MLLT1: variants seen among roughly 807,000 people sequenced by gnomAD.
MLLT1 encodes the protein protein ENL.
MLLT1 carries 11 observed loss-of-function variants against 55.1 expected under a neutral mutation model. That is an observed-to-expected ratio of 0.20 (90% confidence interval 0.13 to 0.33). MLLT1 has a LOEUF of 0.33. MLLT1 is among the 10% of genes least tolerant of loss of function. The probability of loss-of-function intolerance (pLI) is 1.00; values close to 1 mark genes in which losing one functional copy is unlikely to be tolerated. For synonymous variants in MLLT1, 323 were observed against 320.1 expected (o/e 1.01, Z -0.10); for missense variants, 536 against 760.6 (o/e 0.70, Z 3.47).
At chr19:6,214,827 G>A (rs1260225282) in intron 8 of MLLT1, among the ~76,000 whole-genome samples, 3 of 152,228 alleles carry the variant, frequency 2.0e-5, no homozygotes, top group African/African-American at 7.2e-5. Flanking sequence ...GGAGGTGCCA[G>A]AAGCGGCTCG....
At position 6,215,173 on chromosome 19, in the gene MLLT1, G is replaced by A. The variant is rs148973637; in HGVS notation, c.1308-1135C>T. 7.3e-3 allele frequency among the ~76,000 whole-genome samples: 1,114 copies of A among 152,338 alleles called. 12 individuals are homozygous for A. The highest frequency in any genetic ancestry group is 0.025 in the African/African-American group (1,025 of 41,574). ...CCTGGGCGCTCCCTGCCCCGGCAAC[G>A]CAGGGACAAGGCCGGCAAGCCCTCA... On this transcript the variant is annotated intron_variant, in intron 8 of 11. Transcript: ENST00000252674.
At position 6,212,575 on chromosome 19, in the gene MLLT1, A is replaced by G; in HGVS notation, c.*467T>C. The G allele has an allele frequency of 3.7e-6, 4 of 1,088,290 alleles. No homozygotes were observed. Among genetic ancestry groups the G allele is most frequent in the Non-Finnish European group, 4.5e-6 (4 of 895,398 alleles). The allele number at this position is 1,088,290 out of a possible 1,614,324, so 67.4% of individuals were successfully genotyped here. ...GCTAGGTCTACACGGAGGACGACGC[A>G]GACACACAGGCAGGGCCTTCTGAGG... On this transcript the variant is annotated 3_prime_UTR_variant, in exon 12 of 12. Transcript: ENST00000252674.
intron 7 of MLLT1, among the ~76,000 whole-genome samples, chr19:6,217,285 G>A (rs2090854602): frequency 6.6e-6 from 1 of 152,184 alleles, no homozygotes; most frequent in Non-Finnish European, 1.5e-5. Context: ...AAGGATTCCA[G>A]GCCAAGGGGG....
intron 3 of MLLT1, among the ~76,000 whole-genome samples, chr19:6,234,776 A>G (rs941430363): frequency 5.3e-5 from 8 of 152,160 alleles, no homozygotes; most frequent in Non-Finnish European, 1.0e-4. Flanking sequence ...TTCACCAAAT[A>G]CATAGCAAAG....
At chr19:6,216,373 C>T in intron 8 of MLLT1, 32 bp downstream of exon 8, 1 of 1,532,970 alleles carries the variant, frequency 6.5e-7, no homozygotes, top group Non-Finnish European at 8.9e-7. Flanking sequence ...CGGGTGGCCG[C>T]CTCCGCCCCC....
rs1471709497 is a variant in MLLT1, at chr19:6,235,488, C to T, written c.277-4775G>A. Reference sequence around the variant, plus strand: ...GGGCTAAGAAGGGCACCTGGGGAGGCGCAGCCAGACGGTACCAAAGCACTG... The same window carrying T: ...GGGCTAAGAAGGGCACCTGGGGAGGTGCAGCCAGACGGTACCAAAGCACTG... On this transcript the variant is annotated intron_variant, in intron 3 of 11. Coordinates refer to ENST00000252674, the MANE Select transcript of MLLT1 (RefSeq NM_005934.4). This position sits in a 1 kb window ranked among gnomAD's most constrained non-coding sequence, Gnocchi z 5.5. 2.0e-5 allele frequency among the ~76,000 whole-genome samples: 3 copies of T among 152,210 alleles called. No individual in the cohort carries two copies. Among genetic ancestry groups the T allele is most frequent in the Non-Finnish European group, 2.9e-5 (2 of 68,026 alleles).
At position 6,262,124 on chromosome 19, in the gene MLLT1, A is replaced by T. The variant is rs1341809635; in HGVS notation, c.276+104T>A. The T allele has an allele frequency of 3.5e-6, 3 of 861,148 alleles. No individual in the cohort carries two copies. The highest frequency in any genetic ancestry group is 5.8e-6 in the Non-Finnish European group (3 of 515,478). 53.3% of individuals were successfully genotyped at this position (861,148 alleles called of 1,614,324 possible). A position where few individuals can be genotyped will look rare whatever the true frequency, so the allele number is the denominator to read the frequency against. Reference sequence around the variant, plus strand: ...GCAGCACTCACTGGAATGTCTGTGCATGGGCAGCGGCCAGTTCTCTGGCCT... The same window carrying T: ...GCAGCACTCACTGGAATGTCTGTGCTTGGGCAGCGGCCAGTTCTCTGGCCT... On this transcript the variant is annotated intron_variant, in intron 3 of 11. Transcript: ENST00000252674. The surrounding 1 kb of genome is among the most constrained non-coding windows in gnomAD (Gnocchi z 4.4).
chr19:6,246,701 A>C (rs1014391943), intron 3 of MLLT1, among the ~76,000 whole-genome samples: 2 of 152,192 alleles, frequency 1.3e-5, no homozygotes, highest in Non-Finnish European at 2.9e-5. Context: ...CGGTAGATAC[A>C]CGACTCTCTG....
In MLLT1 at chr19:6,211,942, G is replaced by A. The variant is rs2090777112; in HGVS notation, c.*1100C>T. On this transcript the variant is annotated 3_prime_UTR_variant, in exon 12 of 12. Coordinates refer to ENST00000252674, the MANE Select transcript of MLLT1 (RefSeq NM_005934.4). The surrounding 1 kb of genome is among the most constrained non-coding windows in gnomAD (Gnocchi z 4.6). ...ACCAGAGAGAAAGGCAGCCTGGGAG[G>A]GCCAGCCCGGCCAACCCACCGGGCC... is the stretch of plus-strand genomic sequence containing the variant. The A allele has an allele frequency of 9.4e-7, 1 of 1,065,390 alleles. No individual in the cohort carries two copies. Among genetic ancestry groups the A allele is most frequent in the Non-Finnish European group, 1.1e-6 (1 of 879,152 alleles). 66.0% of individuals were successfully genotyped at this position (1,065,390 alleles called of 1,614,324 possible). A position where few individuals can be genotyped will look rare whatever the true frequency, so the allele number is the denominator to read the frequency against.
chr19:6,226,508 TC>T lies in MLLT1; in HGVS notation c.546+468del, dbSNP rs1402164776. ...GCACCCACCTGGCTTCCCCTGCCCT[TC>T]CCCCACGAAACTCTGCAGTGAGCCA... is the stretch of plus-strand genomic sequence containing the variant. On this transcript the variant is annotated intron_variant, in intron 5 of 11. Coordinates refer to ENST00000252674, the MANE Select transcript of MLLT1 (RefSeq NM_005934.4). This position sits in a 1 kb window ranked among gnomAD's most constrained non-coding sequence, Gnocchi z 6.3. 6.6e-6 allele frequency among the ~76,000 whole-genome samples: 1 copy of T among 151,980 alleles called. No homozygotes were observed. Among genetic ancestry groups the T allele is most frequent in the Non-Finnish European group, 1.5e-5 (1 of 68,000 alleles).
At chr19:6,228,737 C>T (rs78598969) in intron 4 of MLLT1, among the ~76,000 whole-genome samples, 1,696 of 152,280 alleles carry the variant, frequency 0.011, 31 homozygotes, top group African/African-American at 0.039. Context: ...GCCCCTGCCA[C>T]CGAGGCCTCC....
chr19:6,270,654 C>T lies in MLLT1; in HGVS notation c.118G>A (p.Glu40Lys), dbSNP rs1216051684. Residue 40 changes from glutamate to lysine, a missense_variant, in exon 2 of 12, where the codon GAG (glutamate) becomes AAG (lysine). Physicochemically the swap from Glu to Lys is moderately conservative, Grantham distance 56. Coordinates refer to ENST00000252674, the MANE Select transcript of MLLT1 (RefSeq NM_005934.4). This position sits in a 1 kb window ranked among gnomAD's most constrained non-coding sequence, Gnocchi z 7.1. ...HDWMVFVRGP[E>K]QCDIQHFVEK... ...ACGAAGTGCTGGATGTCACATTGCT[C>T]GGGGCCGCGGACAAACACCATCCAG... The T allele has an allele frequency of 1.9e-6, 3 of 1,614,176 alleles. No individual in the cohort carries two copies. Among genetic ancestry groups the T allele is most frequent in the Admixed American group, 1.7e-5 (1 of 60,028 alleles).
chr19:6,255,977 G>C (rs1367666356), intron 3 of MLLT1, among the ~76,000 whole-genome samples: 1 of 151,998 alleles, frequency 6.6e-6, no homozygotes, highest in Non-Finnish European at 1.5e-5. Flanking sequence ...CCAGCACTTT[G>C]GGAGGCCGAG....
chr19:6,214,343 T>C (rs1320839501), intron 8 of MLLT1, among the ~76,000 whole-genome samples: 1 of 152,212 alleles, frequency 6.6e-6, no homozygotes, highest in Non-Finnish European at 1.5e-5. Flanking sequence ...GCTGTGGTCC[T>C]CTGACTTGGT....
Position 6,222,016 on chromosome 19 carries a change from C to T in MLLT1, c.1110+105G>A, listed in dbSNP as rs1317259809. ...CCAGTGGGAGGAGCAGCTGGTGAGA[C>T]CTGAGGTCCTGGCTCAGATCCCACC... On this transcript the variant is annotated intron_variant, in intron 6 of 11. Coordinates refer to ENST00000252674, the MANE Select transcript of MLLT1 (RefSeq NM_005934.4). The surrounding 1 kb of genome is among the most constrained non-coding windows in gnomAD (Gnocchi z 4.1). 1 of 951,640 alleles carries T rather than the reference C, an allele frequency of 1.1e-6. No individual in the cohort carries two copies. Among genetic ancestry groups the T allele is most frequent in the Non-Finnish European group, 1.4e-6 (1 of 698,788 alleles). The allele number at this position is 951,640 out of a possible 1,614,324, so 58.9% of individuals were successfully genotyped here.
At chr19:6,268,381 A>T (rs1449322824) in intron 2 of MLLT1, among the ~76,000 whole-genome samples, 3 of 139,592 alleles carry the variant, frequency 2.1e-5, no homozygotes, top group Non-Finnish European at 4.6e-5. Context: ...GTCTACATTT[A>T]AAAAATCAAG....
In MLLT1 at chr19:6,240,077, CAGAGA is replaced by C. The variant is rs2091100933; in HGVS notation, c.277-9369_277-9365del. Among the ~76,000 whole-genome samples the C allele has an allele frequency of 6.6e-6, 1 of 152,112 alleles. No homozygotes were observed. Among genetic ancestry groups the C allele is most frequent in the Non-Finnish European group, 1.5e-5 (1 of 68,018 alleles). Reference sequence around the variant, plus strand: ...CGGGCTGCTGCACCTCTCTGAGCCTCAGAGAGAGGCAGGAATCAAACAGGAAAGAG... The same window carrying C: ...CGGGCTGCTGCACCTCTCTGAGCCTCGAGGCAGGAATCAAACAGGAAAGAG... On this transcript the variant is annotated intron_variant, in intron 3 of 11. Coordinates refer to ENST00000252674, the MANE Select transcript of MLLT1 (RefSeq NM_005934.4). This position sits in a 1 kb window ranked among gnomAD's most constrained non-coding sequence, Gnocchi z 4.7.
chr19:6,223,140 G>A (rs896762161), intron 5 of MLLT1, among the ~76,000 whole-genome samples: 4 of 152,148 alleles, frequency 2.6e-5, no homozygotes, highest in Non-Finnish European at 5.9e-5. Context: ...TGCTACGTGC[G>A]GGAAGCTCAG....
chr19:6,214,243 C>T (rs1358188227), intron 8 of MLLT1, among the ~76,000 whole-genome samples: 2 of 152,200 alleles, frequency 1.3e-5, no homozygotes, highest in African/African-American at 4.8e-5. Context: ...AACCAGGCCA[C>T]CCAGAGGCCC....
Sources: gnomAD v4.1 joint callset for allele counts (sites outside exome capture counted in the v4.1 genomes callset) on GRCh38, gnomAD v4.1.1 for gene constraint, Gnocchi (gnomAD v3.1) non-coding constraint, MANE v1.5 for transcripts, NCBI Gene and HGNC (gene_info 2026-07-23, HGNC 2026-07-21) for gene names.